Variants in PHACTR2 observed in about 807,000 individuals in gnomAD.
The protein encoded by PHACTR2 is chromosome 6 open reading frame 56.
PHACTR2 carries 30 observed loss-of-function variants against 76.0 expected under a neutral mutation model. The ratio of observed to expected loss-of-function variants is 0.39; its 90% CI spans 0.30 to 0.54. The LOEUF (loss-of-function observed/expected upper bound fraction) is 0.54. Among genes scored for constraint, PHACTR2 ranks in the 20% least tolerant of loss-of-function variants. The pLI, the probability that PHACTR2 is intolerant of heterozygous loss-of-function variation, is 0.61. For missense variants in PHACTR2, 696 were observed against 781.1 expected (o/e 0.89, Z 1.30); for synonymous variants, 292 against 292.5 (o/e 1.00, Z 0.02).
intron 2 of PHACTR2, among the ~76,000 whole-genome samples, chr6:143,716,233 T>C (rs2128461991): frequency 6.6e-6 from 1 of 152,278 alleles, no homozygotes; most frequent in South Asian, 2.1e-4. Flanking sequence ...TCTCAGAGCA[T>C]CCAGGTGAGC....
chr6:143,661,041 T>G (rs1177759516), intron 1 of PHACTR2, among the ~76,000 whole-genome samples: 1 of 152,182 alleles, frequency 6.6e-6, no homozygotes, highest in Admixed American at 6.5e-5. Context: ...AATGGCAATA[T>G]CAGTTTTCAG....
At chr6:143,721,278 A>G (rs1778437082) in intron 2 of PHACTR2, among the ~76,000 whole-genome samples, 1 of 152,156 alleles carries the variant, frequency 6.6e-6, no homozygotes, top group Admixed American at 6.5e-5. Context: ...GCATTTTTAG[A>G]TTATTTGGAA....
chr6:143,599,125 T>C lies in PHACTR2; in HGVS notation c.217+61918T>C, dbSNP rs1464094040. On this transcript the variant is annotated intron_variant, in intron 1 of 11. Transcript: ENST00000367584. This position sits in a 1 kb window ranked among gnomAD's most constrained non-coding sequence, Gnocchi z 4.6. ...CCTAAGCTGATCTGAAAAATTGGGG[T>C]CACCTCCAATTCTTTTTTCAATGAA... 2.0e-5 allele frequency among the ~76,000 whole-genome samples: 3 copies of C among 152,036 alleles called. No individual in the cohort carries two copies. Among genetic ancestry groups the C allele is most frequent in the Admixed American group, 1.3e-4 (2 of 15,266 alleles).
Position 143,662,504 on chromosome 6 carries a change from G to C in PHACTR2, c.14-49512G>C, listed in dbSNP as rs1435583250. ...TTTACTCTTCAGAAAGTAAAAATAA[G>C]TAGTGGGTAGGAGTTCTTCATCTGT... On this transcript the variant is annotated intron_variant, in intron 1 of 11. Coordinates refer to the PHACTR2 transcript ENST00000305766. The surrounding 1 kb of genome is among the most constrained non-coding windows in gnomAD (Gnocchi z 4.7). 1.3e-5 allele frequency among the ~76,000 whole-genome samples: 2 copies of C among 152,150 alleles called. No individual in the cohort carries two copies. Among genetic ancestry groups the C allele is most frequent in the South Asian group, 4.1e-4 (2 of 4,830 alleles).
In PHACTR2 at chr6:143,553,822, G is replaced by A. The variant is rs965138812; in HGVS notation, c.217+16615G>A. Among the ~76,000 whole-genome samples, 3 of 152,166 alleles carry A rather than the reference G, an allele frequency of 2.0e-5. No individual in the cohort carries two copies. Among genetic ancestry groups the A allele is most frequent in the East Asian group, 1.9e-4 (1 of 5,196 alleles). Reference sequence around the variant, plus strand: ...ACAAAGCAGAGGAAGGGTATAGGTCGTGCCGGGGTGAAGGTGTGCAGATTG... The same window carrying A: ...ACAAAGCAGAGGAAGGGTATAGGTCATGCCGGGGTGAAGGTGTGCAGATTG... On this transcript the variant is annotated intron_variant, in intron 1 of 11. Coordinates refer to the PHACTR2 transcript ENST00000367584. This position sits in a 1 kb window ranked among gnomAD's most constrained non-coding sequence, Gnocchi z 4.2.
intron 11 of PHACTR2, among the ~76,000 whole-genome samples, chr6:143,805,490 A>G (rs1329242470): frequency 7.1e-6 from 1 of 140,386 alleles, no homozygotes; most frequent in East Asian, 1.9e-4. Flanking sequence ...AAAAAAAAAA[A>G]AAAAAAAAAA....
At chr6:143,567,644 C>G (rs544260924) in intron 1 of PHACTR2, among the ~76,000 whole-genome samples, 5 of 152,210 alleles carry the variant, frequency 3.3e-5, no homozygotes, top group Admixed American at 6.5e-5. Flanking sequence ...GGTGATCCAC[C>G]TACCTCTGCC....
rs1289800586 is a variant in PHACTR2 at position 143,543,962 on chromosome 6, C to T, written c.217+6755C>T. ...CCGCAAAGCGTGGTGCTTTGATGTG[C>T]TGAGTATTTCTAACTGAAGGACATT... On this transcript the variant is annotated intron_variant, in intron 1 of 11. Coordinates refer to the PHACTR2 transcript ENST00000367584. This position sits in a 1 kb window ranked among gnomAD's most constrained non-coding sequence, Gnocchi z 4.7. Among the ~76,000 whole-genome samples the T allele has an allele frequency of 6.6e-6, 1 of 152,186 alleles. No homozygotes were observed. Among genetic ancestry groups the T allele is most frequent in the African/African-American group, 2.4e-5 (1 of 41,428 alleles).
chr6:143,670,459 C>T (rs1338559106), intron 1 of PHACTR2, among the ~76,000 whole-genome samples: 1 of 152,110 alleles, frequency 6.6e-6, no homozygotes, highest in Non-Finnish European at 1.5e-5. Context: ...TTTCACTCTC[C>T]CCGTCACTTT....
chr6:143,807,162 G>GAC lies in PHACTR2; in HGVS notation c.1922+30_1922+31insCA. On this transcript the variant is annotated intron_variant, in intron 12 of 12. Transcript: ENST00000440869. The surrounding 1 kb of genome is among the most constrained non-coding windows in gnomAD (Gnocchi z 5.5). ...GGTGACAAAATGCAGCTTAGAAATTGAAAATGCTTAAGATGTGATCCCATG... is the reference window on the plus strand; with the variant it reads ...GGTGACAAAATGCAGCTTAGAAATTGACAAAATGCTTAAGATGTGATCCCATG... 2 of 1,363,872 alleles carry GAC rather than the reference G, an allele frequency of 1.5e-6. No homozygotes were observed. The highest frequency in any genetic ancestry group is 2.1e-6 in the Non-Finnish European group (2 of 962,250). 84.5% of individuals were successfully genotyped at this position (1,363,872 alleles called of 1,614,324 possible).
At chr6:143,544,044 T>C (rs1042753320) in intron 1 of PHACTR2, among the ~76,000 whole-genome samples, 1 of 152,168 alleles carries the variant, frequency 6.6e-6, no homozygotes, top group Non-Finnish European at 1.5e-5. Context: ...TCTCTTGACC[T>C]CCTATCTTCT....
rs1775616162 is a variant in PHACTR2, at chr6:143,788,874, A to G, written c.1809A>G (p.Ala603=). The change falls in exon 11 of 13, where the codon GCA becomes GCG. Residue 603 remains alanine, a synonymous_variant. Transcript: ENST00000440869. ...VTDSPDYDRR[A]DKPWARLTPA... ...ATTCTCCTGACTATGACCGCCGAGC[A>G]GACAAGCCCTGGGCCAGGTTAACAC... The G allele has an allele frequency of 6.2e-7, 1 of 1,613,486 alleles. No homozygotes were observed. The highest frequency in any genetic ancestry group is 8.5e-7 in the Non-Finnish European group (1 of 1,179,548).
At chr6:143,720,090 G>A (rs1271656483) in intron 2 of PHACTR2, among the ~76,000 whole-genome samples, 1 of 152,070 alleles carries the variant, frequency 6.6e-6, no homozygotes, top group Non-Finnish European at 1.5e-5. Context: ...GGGATTATAA[G>A]TGTGCGCCAC....
chr6:143,614,858 G>A (rs1184906897), intron 1 of PHACTR2, among the ~76,000 whole-genome samples: 1 of 152,100 alleles, frequency 6.6e-6, no homozygotes, highest in Non-Finnish European at 1.5e-5. Flanking sequence ...ATGAGATTGG[G>A]GGTCATGCAC....
At chr6:143,615,528 A>C (rs185532959) in intron 1 of PHACTR2, among the ~76,000 whole-genome samples, 23 of 152,316 alleles carry the variant, frequency 1.5e-4, no homozygotes, top group African/African-American at 5.5e-4. Context: ...TATAGTTGTG[A>C]AGTGTTTCTT....
chr6:143,658,672 A>G lies in PHACTR2; in HGVS notation c.13+50350A>G, dbSNP rs1776893191. 6.6e-6 allele frequency among the ~76,000 whole-genome samples: 1 copy of G among 152,322 alleles called. No homozygotes were observed. On this transcript the variant is annotated intron_variant, in intron 1 of 11. Coordinates refer to the PHACTR2 transcript ENST00000305766. The surrounding 1 kb of genome is among the most constrained non-coding windows in gnomAD (Gnocchi z 4.1). ...ATGGTAAGCATTTGTGTATCTAAAC[A>G]TATATCTAAACATAGAAAAGGTATA...
At chr6:143,685,282 AAC>A (rs1374680902) in intron 1 of PHACTR2, among the ~76,000 whole-genome samples, 1 of 152,048 alleles carries the variant, frequency 6.6e-6, no homozygotes, top group Non-Finnish European at 1.5e-5. Flanking sequence ...AAAAAAAATT[AAC>A]ATCAGAAAGT....
rs983588175 is a variant in PHACTR2, at chr6:143,589,054, C to G, written c.217+51847C>G. On this transcript the variant is annotated intron_variant, in intron 1 of 11. Transcript: ENST00000367584. This position sits in a 1 kb window ranked among gnomAD's most constrained non-coding sequence, Gnocchi z 4.4. Reference sequence around the variant, plus strand: ...CTAGAGCTGCCACAACAAAATGCCACAGATTGGGTGGCTTAAATAACAGAA... The same window carrying G: ...CTAGAGCTGCCACAACAAAATGCCAGAGATTGGGTGGCTTAAATAACAGAA... 6.6e-6 allele frequency among the ~76,000 whole-genome samples: 1 copy of G among 152,190 alleles called. No individual in the cohort carries two copies. Among genetic ancestry groups the G allele is most frequent in the Non-Finnish European group, 1.5e-5 (1 of 68,038 alleles).
chr6:143,759,386 G>A lies in PHACTR2; in HGVS notation c.455-1015G>A, dbSNP rs961466590. 8.5e-5 allele frequency among the ~76,000 whole-genome samples: 13 copies of A among 152,304 alleles called. 1 individual carries two copies. The highest frequency in any genetic ancestry group is 3.1e-4 in the African/African-American group (13 of 41,576). The stretch of plus-strand genomic sequence containing the variant: ...GTATTTGAAAAGGCCAGGCATGGTG[G>A]CTCATGCCTGTAATCCCGGCACTTT... On this transcript the variant is annotated intron_variant, in intron 4 of 12. Transcript: ENST00000440869.
Sources: allele counts gnomAD v4.1 joint callset (sites outside exome capture counted in the v4.1 genomes callset), GRCh38; gene constraint gnomAD v4.1.1; non-coding constraint Gnocchi (gnomAD v3.1); transcripts MANE v1.5; gene names NCBI Gene and HGNC (gene_info 2026-07-23, HGNC 2026-07-21).